UACA: variants seen among roughly 807,000 people sequenced by gnomAD.
UACA encodes uveal autoantigen with coiled-coil domains and ankyrin repeats.
In UACA, 112 loss-of-function variants were observed where a neutral mutation model predicts 160.5. The observed-to-expected ratio is 0.70, with a 90% confidence interval of 0.60 to 0.82. The LOEUF (loss-of-function observed/expected upper bound fraction) is 0.82, where lower values mean the gene tolerates loss of function less well. UACA is among the 40% of genes least tolerant of loss of function. The probability of loss-of-function intolerance (pLI) is 0.00; values close to 1 mark genes in which losing one functional copy is unlikely to be tolerated. For missense variants in UACA, 1,574 were observed against 1,614.6 expected (o/e 0.97, Z 0.43); for synonymous variants, 557 against 568.4 (o/e 0.98, Z 0.29).
intron 1 of UACA, among the ~76,000 whole-genome samples, chr15:70,743,758 G>A (rs183286160): frequency 4.6e-5 from 7 of 152,236 alleles, no homozygotes; most frequent in African/African-American, 1.4e-4. Flanking sequence ...GAAGAATACA[G>A]TATGAAAGTG....
At position 70,684,888 on chromosome 15, in the gene UACA, T is replaced by C. The variant is rs191485436; in HGVS notation, c.603-442A>G. 2.5e-3 allele frequency among the ~76,000 whole-genome samples: 375 copies of C among 152,272 alleles called. 1 individual carries two copies. The highest frequency in any genetic ancestry group is 3.4e-3 in the Middle Eastern group (1 of 294). On this transcript the variant is annotated intron_variant, in intron 7 of 18. Transcript: ENST00000322954. The stretch of plus-strand genomic sequence containing the variant: ...CCTTATATCCTTTAATTACTTCTAC[T>C]ACCAAACCAACCTCATTTATTCCAC...
chr15:70,752,453 G>A (rs2030142370), intron 1 of UACA, among the ~76,000 whole-genome samples: 1 of 152,030 alleles, frequency 6.6e-6, no homozygotes, highest in South Asian at 2.1e-4. Flanking sequence ...CATGCTGGAA[G>A]AAAAGTTAAA....
the UACA span, among the ~76,000 whole-genome samples, chr15:70,774,706 GA>G: frequency 2.6e-5 from 4 of 151,944 alleles, no homozygotes; most frequent in Admixed American, 6.6e-5. Flanking sequence ...TGCCCATATA[GA>G]AAAAAACCAA....
intron 1 of UACA, among the ~76,000 whole-genome samples, chr15:70,750,765 C>G (rs1265036154): frequency 1.3e-5 from 2 of 152,132 alleles, no homozygotes; most frequent in Admixed American, 1.3e-4. Flanking sequence ...CAGCTACGCA[C>G]TTGCTGCAGT....
At chr15:70,740,834 G>T (rs1435196628) in intron 1 of UACA, among the ~76,000 whole-genome samples, 2 of 151,950 alleles carry the variant, frequency 1.3e-5, no homozygotes, top group African/African-American at 4.8e-5. Context: ...AAAGTCAGGA[G>T]TTTGAGACCA....
rs1425559828 is a variant in UACA, at chr15:70,690,506, A to G, written c.372T>C (p.Asn124=). ...ALCLQKLLQY[N]CPTEHADLQG... ...GCAGGTCTGCATGCTCAGTGGGACA[A>G]TTGTACTGTTAAAGTAAAGAAAACT... Residue 124 remains asparagine, a synonymous_variant, in exon 5 of 19, where the codon AAT becomes AAC. Transcript: ENST00000322954. 6.2e-7 allele frequency: 1 copy of G among 1,612,504 alleles called. No individual in the cohort carries two copies. Among genetic ancestry groups the G allele is most frequent in the Non-Finnish European group, 8.5e-7 (1 of 1,179,208 alleles).
chr15:70,712,899 T>G (rs1001864506), intron 1 of UACA, among the ~76,000 whole-genome samples: 11 of 152,244 alleles, frequency 7.2e-5, no homozygotes, highest in Non-Finnish European at 1.5e-5. Flanking sequence ...GCAAAAAGGA[T>G]GAAAACTTCC....
At chr15:70,687,960 A>G (rs1310140090) in intron 5 of UACA, 140 bp from the exon 6 acceptor site, 1 of 722,088 alleles carries the variant, frequency 1.4e-6, no homozygotes, top group Non-Finnish European at 2.3e-6. Flanking sequence ...GTTTAGCATT[A>G]TAAGCACAAT....
Position 70,672,923 on chromosome 15 carries a change from C to T in UACA, c.1132-922G>A, listed in dbSNP as rs963713395. Among the ~76,000 whole-genome samples, 10 of 152,122 alleles carry T rather than the reference C, an allele frequency of 6.6e-5. 1 individual carries two copies. In the South Asian group the frequency reaches 1.0e-3, roughly 16 times the overall value. The stretch of plus-strand genomic sequence containing the variant: ...CAGCTTGGCCAACATAGTGAAACCC[C>T]GTCTCTACTAAAAATACAAAAAATT... On this transcript the variant is annotated intron_variant, in intron 13 of 18. Coordinates refer to ENST00000322954, the MANE Select transcript of UACA (RefSeq NM_018003.4).
chr15:70,736,661 G>A (rs1217283909), intron 1 of UACA, among the ~76,000 whole-genome samples: 3 of 151,910 alleles, frequency 2.0e-5, no homozygotes, highest in East Asian at 1.9e-4. Context: ...GGCTGGTCTC[G>A]AACTCCTGAC....
At chr15:70,689,247 C>T (rs193228064) in intron 5 of UACA, among the ~76,000 whole-genome samples, 127 of 152,216 alleles carry the variant, frequency 8.3e-4, no homozygotes, top group African/African-American at 3.0e-3. Context: ...CATGAGTGAC[C>T]TGTCAATATA....
At chr15:70,693,641 G>A (rs567719243) in intron 3 of UACA, among the ~76,000 whole-genome samples, 36 of 152,130 alleles carry the variant, frequency 2.4e-4, no homozygotes, top group Non-Finnish European at 4.0e-4. Flanking sequence ...ATGAAATAAT[G>A]TCTGCTGAGC....
chr15:70,655,652 G>A lies in UACA; in HGVS notation c.*1404C>T, dbSNP rs767361500. 12 of 152,094 alleles carry A rather than the reference G, an allele frequency of 7.9e-5. No individual in the cohort carries two copies. The highest frequency in any genetic ancestry group is 2.1e-4 in the South Asian group (1 of 4,814). The allele number at this position is 152,094 out of a possible 1,614,324, so 9.4% of individuals were successfully genotyped here. On this transcript the variant is annotated 3_prime_UTR_variant, in exon 19 of 19. Coordinates refer to ENST00000322954, the MANE Select transcript of UACA (RefSeq NM_018003.4). ...GAGACAGATATTGCTTATGTAAACC[G>A]TATAAAGAATTAAAAACAAATCCAA...
chr15:70,683,695 TAAAA>T, intron 8 of UACA, among the ~76,000 whole-genome samples: 1 of 152,146 alleles, frequency 6.6e-6, no homozygotes, highest in East Asian at 1.9e-4. Flanking sequence ...ATAGGTTACA[TAAAA>T]AAGTAAGCTA....
intron 9 of UACA, chr15:70,681,489 A>G (rs1044956433): frequency 2.0e-5 from 3 of 152,196 alleles, no homozygotes; most frequent in African/African-American, 7.2e-5. Context: ...AACTCCTTGT[A>G]TTCACTTCAA....
intron 1 of UACA, among the ~76,000 whole-genome samples, chr15:70,722,082 G>A (rs563631716): frequency 8.5e-5 from 13 of 152,212 alleles, no homozygotes; most frequent in East Asian, 5.8e-4. Flanking sequence ...TGGCCTTTTC[G>A]ATATGAAAAA....
chr15:70,705,623 A>G (rs543925169), intron 1 of UACA, among the ~76,000 whole-genome samples: 1 of 152,200 alleles, frequency 6.6e-6, no homozygotes, highest in Non-Finnish European at 1.5e-5. Context: ...ACAGAGAAAT[A>G]TAATAAACTA....
At chr15:70,662,840 A>C (rs995807479) in intron 17 of UACA, among the ~76,000 whole-genome samples, 32 of 152,158 alleles carry the variant, frequency 2.1e-4, no homozygotes, top group African/African-American at 7.7e-4. Flanking sequence ...TCCCTTCCTT[A>C]CACCTTATAC....
chr15:70,756,554 C>G (rs532037926), intron 1 of UACA, among the ~76,000 whole-genome samples: 1 of 152,092 alleles, frequency 6.6e-6, no homozygotes, highest in Non-Finnish European at 1.5e-5. Flanking sequence ...GAAGGAAATC[C>G]CAGACTCCAA....
Sources: allele counts gnomAD v4.1 joint callset (sites outside exome capture counted in the v4.1 genomes callset), GRCh38; gene constraint gnomAD v4.1.1; transcripts MANE v1.5; gene names NCBI Gene and HGNC (gene_info 2026-07-23, HGNC 2026-07-21).